KIAA1217: variants seen among roughly 807,000 people sequenced by gnomAD.
KIAA1217 encodes the protein KIAA1217.
Under a neutral mutation model 163.9 loss-of-function variants are expected in KIAA1217, and 88 were observed. The observed-to-expected ratio is 0.54, with a 90% confidence interval of 0.45 to 0.64. KIAA1217 has a LOEUF of 0.64. KIAA1217 is among the 30% of genes least tolerant of loss of function. KIAA1217 has a pLI of 0.00. For synonymous variants in KIAA1217, 903 were observed against 923.1 expected (o/e 0.98, Z 0.39); for missense variants, 2,372 against 2,475.0 (o/e 0.96, Z 0.88).
Position 23,750,627 on chromosome 10 carries a change from C to T in KIAA1217, c.-321+55393C>T, listed in dbSNP as rs562784995. Among the ~76,000 whole-genome samples the T allele has an allele frequency of 2.0e-3, 309 of 152,246 alleles. 2 individuals carry two copies. The highest frequency in any genetic ancestry group is 7.1e-3 in the African/African-American group (294 of 41,520). On this transcript the variant is annotated intron_variant, in intron 1 of 18. Transcript: ENST00000376462. ...CACTAGACAGAATGAATGCCTTTGA[C>T]GGAAGGCACTCAAATCACATTCTCT...
chr10:23,896,275 A>G (rs1022802550), intron 1 of KIAA1217, among the ~76,000 whole-genome samples: 1 of 152,024 alleles, frequency 6.6e-6, no homozygotes, highest in African/African-American at 2.4e-5. Context: ...AATTAAATTT[A>G]TATTGAATGC....
At chr10:24,366,808 C>T (rs2050849629) in intron 2 of KIAA1217, among the ~76,000 whole-genome samples, 1 of 152,254 alleles carries the variant, frequency 6.6e-6, no homozygotes, top group Non-Finnish European at 1.5e-5. Context: ...AAGTTCCCTG[C>T]AGCTCTGGGA....
intron 2 of KIAA1217, among the ~76,000 whole-genome samples, chr10:24,049,354 G>T (rs988938397): frequency 2.0e-5 from 3 of 152,056 alleles, no homozygotes; most frequent in African/African-American, 4.8e-5. Flanking sequence ...TTTTACAGTG[G>T]CATAGAAACC....
chr10:24,368,218 G>A (rs115259108), intron 2 of KIAA1217, among the ~76,000 whole-genome samples: 1,738 of 151,918 alleles, frequency 0.011, 35 homozygotes, highest in African/African-American at 0.04. Context: ...TATTATTTCC[G>A]TGCGCATGTA....
intron 2 of KIAA1217, among the ~76,000 whole-genome samples, chr10:24,148,578 A>T (rs1459943694): frequency 6.6e-6 from 1 of 152,040 alleles, no homozygotes; most frequent in African/African-American, 2.4e-5. Flanking sequence ...TGTTTAAGGG[A>T]GCTTGACACT....
intron 3 of KIAA1217, among the ~76,000 whole-genome samples, chr10:24,407,337 C>A (rs895251307): frequency 6.6e-6 from 1 of 151,896 alleles, no homozygotes; most frequent in Non-Finnish European, 1.5e-5. Context: ...TCTGTTGCCC[C>A]GGCTGGAGTA....
chr10:23,992,760 C>T (rs576472994), intron 1 of KIAA1217, among the ~76,000 whole-genome samples: 1 of 151,728 alleles, frequency 6.6e-6, no homozygotes, highest in African/African-American at 2.4e-5. Context: ...CCTACAAATG[C>T]ACGAGGAGAG....
intron 1 of KIAA1217, among the ~76,000 whole-genome samples, chr10:23,798,909 G>C (rs1836338127): frequency 6.6e-6 from 1 of 152,216 alleles, no homozygotes. Context: ...ACCACAAACA[G>C]AGTGTCTCAA....
chr10:24,052,935 C>T (rs1849623810), intron 2 of KIAA1217, among the ~76,000 whole-genome samples: 1 of 152,116 alleles, frequency 6.6e-6, no homozygotes, highest in African/African-American at 2.4e-5. Flanking sequence ...CTCATGGCCA[C>T]ATATGGGTAG....
chr10:23,783,117 G>A (rs936558228), intron 1 of KIAA1217, among the ~76,000 whole-genome samples: 4 of 152,052 alleles, frequency 2.6e-5, no homozygotes, highest in African/African-American at 9.7e-5. Flanking sequence ...TGGCTTCCCT[G>A]GGCCACACTG....
At chr10:24,260,249 G>T (rs747577070) in intron 2 of KIAA1217, among the ~76,000 whole-genome samples, 1 of 152,078 alleles carries the variant, frequency 6.6e-6, no homozygotes, top group Non-Finnish European at 1.5e-5. Flanking sequence ...GGGGACCCGG[G>T]AATGAGTGGC....
At chr10:24,292,831 G>T (rs925561489) in intron 2 of KIAA1217, among the ~76,000 whole-genome samples, 4 of 151,904 alleles carry the variant, frequency 2.6e-5, no homozygotes, top group Non-Finnish European at 5.9e-5. Context: ...AGTTCTTCAT[G>T]GTGAGTGGAG....
intron 2 of KIAA1217, among the ~76,000 whole-genome samples, chr10:24,044,357 C>T (rs77440917): frequency 0.019 from 2,876 of 152,220 alleles, 90 homozygotes; most frequent in African/African-American, 0.066. Flanking sequence ...TTTTGTCCTC[C>T]TCACTAAGAT....
intron 2 of KIAA1217, among the ~76,000 whole-genome samples, chr10:24,112,683 C>T (rs1589543018): frequency 6.6e-6 from 1 of 152,028 alleles, no homozygotes. Context: ...CTCCTGGGTT[C>T]ACGCCATTCT....
At chr10:24,113,695 A>T (rs551700465) in intron 2 of KIAA1217, among the ~76,000 whole-genome samples, 1 of 152,340 alleles carries the variant, frequency 6.6e-6, no homozygotes, top group East Asian at 1.9e-4. Flanking sequence ...AGGACCAGGA[A>T]GCTGCTGTCC....
intron 2 of KIAA1217, among the ~76,000 whole-genome samples, chr10:24,193,122 T>A (rs2066805881): frequency 1.3e-5 from 2 of 152,156 alleles, no homozygotes; most frequent in Admixed American, 6.5e-5. Flanking sequence ...TCTTGCTATG[T>A]TGCCCAGGCT....
At chr10:23,999,136 CAG>C (rs1407437399) in intron 1 of KIAA1217, among the ~76,000 whole-genome samples, 1 of 152,154 alleles carries the variant, frequency 6.6e-6, no homozygotes, top group East Asian at 1.9e-4. Context: ...CTTTTAAAAT[CAG>C]AATACAAATA....
At chr10:23,896,180 A>C (rs981436740) in intron 1 of KIAA1217, among the ~76,000 whole-genome samples, 3 of 151,944 alleles carry the variant, frequency 2.0e-5, no homozygotes, top group East Asian at 1.9e-4. Context: ...GTAGAAGAAT[A>C]ATCAAAGGCA....
intron 2 of KIAA1217, chr10:24,255,349 TG>T: frequency 2.9e-5 from 4 of 138,558 alleles, no homozygotes; most frequent in South Asian, 1.6e-4. Flanking sequence ...CCTGAGCGGC[TG>T]ACTGTCAGGG....
Sources: gnomAD v4.1 joint callset for allele counts (sites outside exome capture counted in the v4.1 genomes callset) on GRCh38, gnomAD v4.1.1 for gene constraint, MANE v1.5 for transcripts, NCBI Gene and HGNC (gene_info 2026-07-23, HGNC 2026-07-21) for gene names.